The following PHLPP1 variants were observed in gnomAD, a reference collection of about 807,000 sequenced individuals.
The protein encoded by PHLPP1 is PH domain leucine-rich repeat-containing protein phosphatase 1.
A neutral mutation model predicts 117.2 loss-of-function variants in PHLPP1; 42 were observed. That is an observed-to-expected ratio of 0.36 (90% CI 0.28 to 0.46). The LOEUF is 0.46. PHLPP1 is among the 20% of genes least tolerant of loss of function. The probability of loss-of-function intolerance (pLI) is 1.00; values close to 1 mark genes in which losing one functional copy is unlikely to be tolerated. For missense variants in PHLPP1, 2,084 were observed against 2,241.9 expected, an observed-to-expected ratio of 0.93 and a Z score of 1.42; for synonymous variants, 1,042 against 970.7, an observed-to-expected ratio of 1.07 and a Z score of -1.37.
intron 4 of PHLPP1, among the ~76,000 whole-genome samples, chr18:62,893,103 G>A (rs1010761130): frequency 4.6e-5 from 7 of 151,512 alleles, no homozygotes; most frequent in African/African-American, 1.2e-4. Flanking sequence ...GTGCAGAGGC[G>A]TGATCTCGGT....
chr18:62,945,652 C>T (rs1200802734), intron 12 of PHLPP1, among the ~76,000 whole-genome samples: 1 of 152,130 alleles, frequency 6.6e-6, no homozygotes, highest in Admixed American at 6.5e-5. Context: ...TTAACAGTAC[C>T]ACTACACATC....
intron 12 of PHLPP1, 73 bp downstream of exon 12, chr18:62,945,344 A>G: frequency 8.1e-7 from 1 of 1,240,298 alleles, no homozygotes; most frequent in Non-Finnish European, 1.1e-6. Context: ...TCATCAACTC[A>G]GGACGTTTGC....
At chr18:62,906,067 T>C (rs902481596) in intron 8 of PHLPP1, among the ~76,000 whole-genome samples, 1 of 152,192 alleles carries the variant, frequency 6.6e-6, no homozygotes, top group African/African-American at 2.4e-5. Context: ...TGTGGCCCAC[T>C]CAAGGTGACA....
intron 10 of PHLPP1, among the ~76,000 whole-genome samples, chr18:62,933,118 A>G (rs959749711): frequency 6.6e-6 from 1 of 152,246 alleles, no homozygotes; most frequent in African/African-American, 2.4e-5. Flanking sequence ...CAGAGATGAC[A>G]CAAACAAGTG....
intron 2 of PHLPP1, chr18:62,838,047 G>A (rs993012798): frequency 1.4e-4 from 21 of 151,196 alleles, no homozygotes; most frequent in African/African-American, 3.9e-4. Context: ...AAAGATACAC[G>A]AGTTCAATTG....
chr18:62,879,404 A>ATGTGTGTGTGTG (rs61701836), intron 4 of PHLPP1, among the ~76,000 whole-genome samples: 1 of 145,840 alleles, frequency 6.9e-6, no homozygotes, highest in African/African-American at 2.5e-5. Context: ...TATTCTGGAT[A>ATGTGTGTGTGTG]TGTGTGTGTG....
In PHLPP1 at chr18:62,804,639, G is replaced by A. The variant is rs183114764; in HGVS notation, c.1577-25396G>A. Among the ~76,000 whole-genome samples the A allele has an allele frequency of 4.6e-5, 7 of 152,134 alleles. No homozygotes were observed. In the East Asian group the frequency reaches 1.4e-3, roughly 29 times the overall value. ...AATGTATTCTGGATATGAACGCTTT[G>A]CTAGTTATATATGTTACAGTTATCT... is the stretch of plus-strand genomic sequence containing the variant. On this transcript the variant is annotated intron_variant, in intron 1 of 16. Transcript: ENST00000262719.
At chr18:62,847,325 G>A (rs983375179) in intron 3 of PHLPP1, among the ~76,000 whole-genome samples, 9 of 152,052 alleles carry the variant, frequency 5.9e-5, no homozygotes, top group East Asian at 3.9e-4. Flanking sequence ...TCTTTTCTTT[G>A]TGCCAGGCAC....
chr18:62,849,826 AAAAAAAAT>A (rs1405652780), intron 3 of PHLPP1, among the ~76,000 whole-genome samples: 2 of 33,794 alleles, frequency 5.9e-5, no homozygotes, highest in Non-Finnish European at 1.3e-4. Context: ...AAAAAAAAAA[AAAAAAAAT>A]ATATATATCC....
intron 6 of PHLPP1, among the ~76,000 whole-genome samples, chr18:62,898,708 T>C (rs181502035): frequency 2.4e-3 from 359 of 152,334 alleles, no homozygotes; most frequent in African/African-American, 8.4e-3. Context: ...TAACATATAA[T>C]GATTTGACAT....
chr18:62,807,253 A>G (rs1359363435), intron 1 of PHLPP1, among the ~76,000 whole-genome samples: 1 of 152,158 alleles, frequency 6.6e-6, no homozygotes, highest in Non-Finnish European at 1.5e-5. Flanking sequence ...AGAGTTCTCA[A>G]TAATAATCGG....
At chr18:62,935,802 G>C (rs530149860) in intron 10 of PHLPP1, among the ~76,000 whole-genome samples, 1 of 152,052 alleles carries the variant, frequency 6.6e-6, no homozygotes, top group Non-Finnish European at 1.5e-5. Context: ...TCAGGAGTTC[G>C]AGACCAGCCT....
intron 1 of PHLPP1, among the ~76,000 whole-genome samples, chr18:62,727,686 G>C (rs1911117215): frequency 6.6e-6 from 1 of 151,920 alleles, no homozygotes; most frequent in Non-Finnish European, 1.5e-5. Context: ...TAACTGGCAG[G>C]CTGGGGATTA....
At chr18:62,798,327 G>A (rs1291066713) in intron 1 of PHLPP1, among the ~76,000 whole-genome samples, 7 of 152,172 alleles carry the variant, frequency 4.6e-5, no homozygotes, top group East Asian at 1.9e-4. Context: ...GGATCCAGGT[G>A]TGCATGATTC....
At chr18:62,793,502 T>C (rs939272306) in intron 1 of PHLPP1, among the ~76,000 whole-genome samples, 1 of 152,236 alleles carries the variant, frequency 6.6e-6, no homozygotes, top group Admixed American at 6.5e-5. Context: ...GTCCAGACAG[T>C]CAGCCTGCTC....
rs752088745 is a variant in PHLPP1, at chr18:62,895,922, G to A, written c.2355G>A (p.Val785=). ...AAGTATTGGAGAAATTGACTGCTGTGGATAAACTTTGTATGTCTGGAAACT... is the reference window on the plus strand; with the variant it reads ...AAGTATTGGAGAAATTGACTGCTGTAGATAAACTTTGTATGTCTGGAAACT... The part of the protein sequence containing the change: ...IPEVLEKLTA[V]DKLCMSGNCV... Residue 785 remains valine (V), a synonymous_variant, in exon 6 of 17, where the codon GTG becomes GTA. Transcript: ENST00000262719. 1.2e-6 allele frequency: 2 copies of A among 1,613,650 alleles called. No individual in the cohort carries two copies. The highest frequency in any genetic ancestry group is 2.7e-5 in the African/African-American group (2 of 74,902).
intron 8 of PHLPP1, among the ~76,000 whole-genome samples, chr18:62,911,259 A>T (rs1916945045): frequency 2.0e-5 from 1 of 49,986 alleles, no homozygotes; most frequent in South Asian, 5.2e-4. Flanking sequence ...TTCATGTCCA[A>T]AACACCAAAA....
intron 9 of PHLPP1, among the ~76,000 whole-genome samples, chr18:62,916,025 T>C (rs1157700641): frequency 6.6e-6 from 1 of 152,178 alleles, no homozygotes; most frequent in Non-Finnish European, 1.5e-5. Flanking sequence ...TGGAGTAAAC[T>C]TTTACTTTAG....
chr18:62,792,487 CT>C (rs1261904742), intron 1 of PHLPP1, among the ~76,000 whole-genome samples: 1 of 152,180 alleles, frequency 6.6e-6, no homozygotes, highest in African/African-American at 2.4e-5. Flanking sequence ...TTGCTCTCTT[CT>C]AACCTACTCC....
Sources: gnomAD v4.1 joint callset for allele counts (sites outside exome capture counted in the v4.1 genomes callset) on GRCh38, gnomAD v4.1.1 for gene constraint, MANE v1.5 for transcripts, NCBI Gene and HGNC (gene_info 2026-07-23, HGNC 2026-07-21) for gene names.